Variants in SUCLG2 observed in about 807,000 individuals in gnomAD.
SUCLG2 encodes the protein succinate--CoA ligase [GDP-forming] subunit beta, mitochondrial.
A neutral mutation model predicts 47.9 loss-of-function variants in SUCLG2; 42 were observed. The observed-to-expected ratio is 0.88, with a 90% confidence interval of 0.69 to 1.14. SUCLG2 has a LOEUF of 1.14. Ranked by LOEUF, SUCLG2 falls within the 50% of genes most tolerant of loss-of-function variation. The pLI, the probability that SUCLG2 is intolerant of heterozygous loss-of-function variation, is 0.00. For synonymous variants in SUCLG2, 195 were observed against 197.3 expected (o/e 0.99, Z 0.10); for missense variants, 571 against 525.9 (o/e 1.09, Z -0.84).
At chr3:67,526,767 A>G (rs1706267809) in intron 4 of SUCLG2, among the ~76,000 whole-genome samples, 1 of 152,254 alleles carries the variant, frequency 6.6e-6, no homozygotes, top group Admixed American at 6.5e-5. Context: ...TGGAACAGCC[A>G]TGCTGGAAAA....
intron 9 of SUCLG2, among the ~76,000 whole-genome samples, chr3:67,469,744 A>C (rs533901269): frequency 6.7e-6 from 1 of 149,412 alleles, no homozygotes; most frequent in Non-Finnish European, 1.5e-5. Flanking sequence ...AATAATAATA[A>C]TTTTTTAAAA....
intron 2 of SUCLG2, among the ~76,000 whole-genome samples, chr3:67,584,074 T>C (rs1040778317): frequency 1.3e-5 from 2 of 152,188 alleles, no homozygotes; most frequent in Non-Finnish European, 2.9e-5. Flanking sequence ...GAAATAAAAA[T>C]ACATTCCACA....
intron 10 of SUCLG2, among the ~76,000 whole-genome samples, chr3:67,392,096 C>A (rs76509530): frequency 0.078 from 11,845 of 152,178 alleles, 486 homozygotes; most frequent in Middle Eastern, 0.15. Context: ...TCTCCATTTT[C>A]TACATGTCCT....
intron 2 of SUCLG2, among the ~76,000 whole-genome samples, chr3:67,558,582 G>A (rs970346626): frequency 6.6e-6 from 1 of 152,190 alleles, no homozygotes; most frequent in East Asian, 1.9e-4. Flanking sequence ...TCACAAGAGT[G>A]AGTTGAGTTG....
intron 7 of SUCLG2, among the ~76,000 whole-genome samples, chr3:67,504,512 T>TTTC (rs1705585314): frequency 6.6e-6 from 1 of 152,212 alleles, no homozygotes; most frequent in Non-Finnish European, 1.5e-5. Context: ...TTTGGCCCAG[T>TTTC]GAATGGATTT....
At chr3:67,490,745 C>T (rs1464742785) in intron 9 of SUCLG2, among the ~76,000 whole-genome samples, 1 of 152,130 alleles carries the variant, frequency 6.6e-6, no homozygotes, top group African/African-American at 2.4e-5. Flanking sequence ...GTACTTAAAA[C>T]AATGCTTTAA....
intron 9 of SUCLG2, among the ~76,000 whole-genome samples, chr3:67,427,438 A>C (rs988414530): frequency 4.6e-5 from 7 of 152,252 alleles, no homozygotes; most frequent in African/African-American, 9.6e-5. Context: ...TATATCCCAG[A>C]ACTAATGTTG....
At chr3:67,447,297 G>T (rs1339826022) in intron 9 of SUCLG2, among the ~76,000 whole-genome samples, 1 of 151,962 alleles carries the variant, frequency 6.6e-6, no homozygotes, top group African/African-American at 2.4e-5. Context: ...ACAATGAGAG[G>T]GAATGTCTTA....
At chr3:67,525,677 A>C (rs951578779) in intron 4 of SUCLG2, among the ~76,000 whole-genome samples, 1 of 152,130 alleles carries the variant, frequency 6.6e-6, no homozygotes, top group Non-Finnish European at 1.5e-5. Context: ...AAACTATAAA[A>C]CATCTAGAAA....
rs1445336005 is a variant in SUCLG2 at position 67,629,501 on chromosome 3, GA to G, written c.85-19906del. Among the ~76,000 whole-genome samples the G allele has an allele frequency of 3.0e-4, 45 of 152,126 alleles. No individual in the cohort carries two copies. The East Asian group carries it at 4.4e-3, about 15-fold the overall frequency. ...AGATGCAATAGAACATGATATGGGG[GA>G]GGGGGGGGCGCCCATATGTGTTCAC... On this transcript the variant is annotated intron_variant, in intron 1 of 10. Coordinates refer to ENST00000307227, the MANE Select transcript of SUCLG2 (RefSeq NM_003848.4).
At chr3:67,364,428 C>T (rs954141737) in intron 10 of SUCLG2, among the ~76,000 whole-genome samples, 2 of 10,258 alleles carry the variant, frequency 1.9e-4, no homozygotes, top group Non-Finnish European at 8.1e-4. Context: ...AGGACTTCCA[C>T]CCCCCCCACC....
intron 1 of SUCLG2, among the ~76,000 whole-genome samples, chr3:67,636,636 G>C (rs1330531086): frequency 1.3e-5 from 2 of 151,998 alleles, no homozygotes; most frequent in African/African-American, 4.8e-5. Flanking sequence ...ACAGGCGTGA[G>C]CCACTGCACC....
Position 67,522,830 on chromosome 3 carries a change from A to AT in SUCLG2, c.418-2197dup, listed in dbSNP as rs1275577043. Among the ~76,000 whole-genome samples, 30 of 150,630 alleles carry AT rather than the reference A, an allele frequency of 2.0e-4. 1 individual carries two copies. The highest frequency in any genetic ancestry group is 1.8e-3 in the Admixed American group (27 of 15,178). ...AGGTGCCCGCCACCACACCCGGCTA[A>AT]TTTTTTTGTATTTTTTAGTGGAGAC... On this transcript the variant is annotated intron_variant, in intron 4 of 10. Transcript: ENST00000307227.
intron 1 of SUCLG2, among the ~76,000 whole-genome samples, chr3:67,620,557 C>G (rs9815919): frequency 0.44 from 61,713 of 141,046 alleles, 13,714 homozygotes; most frequent in African/African-American, 0.49. Context: ...TGGACTCCAG[C>G]CTGGGTGACA....
At chr3:67,544,769 G>C (rs1018783366) in intron 2 of SUCLG2, among the ~76,000 whole-genome samples, 3 of 152,156 alleles carry the variant, frequency 2.0e-5, no homozygotes, top group African/African-American at 7.2e-5. Flanking sequence ...ATGGTTTGCT[G>C]TTTAAACTAG....
In SUCLG2 at chr3:67,512,699, T is replaced by A. The variant is rs142940446; in HGVS notation, c.661-3796A>T. On this transcript the variant is annotated intron_variant, in intron 6 of 10. Transcript: ENST00000307227. ...GTCTACACAGTTCTGCAGGGTCAAG[T>A]TGGTACATTCACATTGCTGTGCAAC... is the stretch of plus-strand genomic sequence containing the variant. Among the ~76,000 whole-genome samples, 453 of 151,128 alleles carry A rather than the reference T, an allele frequency of 3.0e-3. 26 individuals are homozygous for A. Among genetic ancestry groups the A allele is most frequent in the African/African-American group, 0.011 (436 of 40,504 alleles).
At chr3:67,469,511 C>T (rs112658533) in intron 9 of SUCLG2, among the ~76,000 whole-genome samples, 2 of 151,090 alleles carry the variant, frequency 1.3e-5, no homozygotes, top group African/African-American at 4.9e-5. Flanking sequence ...AGGTGGATCA[C>T]GAGGTCAGGA....
intron 9 of SUCLG2, among the ~76,000 whole-genome samples, chr3:67,475,211 G>A (rs1309380487): frequency 6.6e-6 from 1 of 152,114 alleles, no homozygotes; most frequent in Non-Finnish European, 1.5e-5. Context: ...TAAGTCAACT[G>A]CCTATTAGCA....
rs1009599043 is a variant in SUCLG2, at chr3:67,375,186, T to C, written c.*558A>G. 8 of 985,628 alleles carry C rather than the reference T, an allele frequency of 8.1e-6. No homozygotes were observed. In the African/African-American group the frequency reaches 1.2e-4, roughly 15 times the overall value. The allele number at this position is 985,628 out of a possible 1,614,324, so 61.1% of individuals were successfully genotyped here. ...AAATATATTTTGGAATACTCACGGA[T>C]TTTTCAAACATATGTTAGAATTAGA... On this transcript the variant is annotated 3_prime_UTR_variant, in exon 11 of 11. Transcript: ENST00000307227.
Sources: gnomAD v4.1 joint callset for allele counts (sites outside exome capture counted in the v4.1 genomes callset) on GRCh38, gnomAD v4.1.1 for gene constraint, MANE v1.5 for transcripts, NCBI Gene and HGNC (gene_info 2026-07-23, HGNC 2026-07-21) for gene names.